The following FER variants were observed in gnomAD, a reference collection of about 807,000 sequenced individuals.
FER encodes the protein tyrosine-protein kinase Fer.
FER carries 63 observed loss-of-function variants against 111.0 expected under a neutral mutation model. The observed-to-expected ratio is 0.57, with a 90% CI of 0.46 to 0.70. FER has a LOEUF of 0.70. Among genes scored for constraint, FER ranks in the 30% least tolerant of loss-of-function variants. FER has a pLI of 0.00. For synonymous variants in FER, 327 were observed against 313.9 expected (o/e 1.04, Z -0.44); for missense variants, 914 against 954.0 (o/e 0.96, Z 0.55).
intron 10 of FER, among the ~76,000 whole-genome samples, chr5:108,915,454 C>T (rs181591568): frequency 2.3e-4 from 35 of 152,248 alleles, no homozygotes; most frequent in African/African-American, 8.4e-4. Flanking sequence ...GACACTCCAT[C>T]TCAAAACAAA....
In FER at chr5:108,827,112, G is replaced by C. The variant is rs557721620; in HGVS notation, c.208-5658G>C. Among the ~76,000 whole-genome samples, 23 of 152,258 alleles carry C rather than the reference G, an allele frequency of 1.5e-4. No individual in the cohort carries two copies. In the South Asian group the frequency reaches 4.6e-3, roughly 30 times the overall value. ...ACAACCATGGACTCCATGGTTATTG[G>C]TCTCTTTGAATTTCGTACTTGTAAA... On this transcript the variant is annotated intron_variant, in intron 3 of 19. Coordinates refer to ENST00000281092, the MANE Select transcript of FER (RefSeq NM_005246.4).
At chr5:109,102,212 AC>A (rs1748316308) in intron 17 of FER, among the ~76,000 whole-genome samples, 1 of 151,994 alleles carries the variant, frequency 6.6e-6, no homozygotes, top group Non-Finnish European at 1.5e-5. Flanking sequence ...TGTTTTTCCC[AC>A]TTTGCTTTTT....
intron 2 of FER, among the ~76,000 whole-genome samples, chr5:108,769,966 G>T (rs1259043926): frequency 2.0e-5 from 3 of 149,700 alleles, no homozygotes; most frequent in African/African-American, 7.4e-5. Context: ...ATTTTTTTTT[G>T]AGACGGAGCT....
rs560751228 is a variant in FER at position 108,883,587 on chromosome 5, A to G, written c.1046+69A>G. On this transcript the variant is annotated intron_variant, in intron 9 of 19. Coordinates refer to ENST00000281092, the MANE Select transcript of FER (RefSeq NM_005246.4). Reference sequence around the variant, plus strand: ...AATTTTACAAAAATATTTTAGTTACATGGCAGTGTGAACCTAACATTTCTA... The same window carrying G: ...AATTTTACAAAAATATTTTAGTTACGTGGCAGTGTGAACCTAACATTTCTA... The G allele has an allele frequency of 1.5e-5, 20 of 1,355,524 alleles. No homozygotes were observed. In the African/African-American group the frequency reaches 1.5e-4, roughly 10 times the overall value. The allele number at this position is 1,355,524 out of a possible 1,614,324, so 84.0% of individuals were successfully genotyped here.
intron 5 of FER, among the ~76,000 whole-genome samples, chr5:108,845,067 T>TATATAC (rs1486282738): frequency 1.5e-4 from 8 of 53,882 alleles, no homozygotes; most frequent in African/African-American, 3.0e-4. Flanking sequence ...TATATATATA[T>TATATAC]ACACACACAC....
At chr5:109,107,905 T>A (rs958326464) in intron 17 of FER, among the ~76,000 whole-genome samples, 1 of 152,174 alleles carries the variant, frequency 6.6e-6, no homozygotes, top group Non-Finnish European at 1.5e-5. Context: ...AATTAATTAG[T>A]CTTTGAGCTC....
intron 10 of FER, among the ~76,000 whole-genome samples, chr5:108,926,809 A>G (rs1221616400): frequency 6.6e-5 from 10 of 152,286 alleles, no homozygotes; most frequent in Non-Finnish European, 1.3e-4. Flanking sequence ...TCTGTGTTTT[A>G]TACAGATGTT....
chr5:108,937,105 A>G (rs1171108258), intron 10 of FER, among the ~76,000 whole-genome samples: 3 of 152,016 alleles, frequency 2.0e-5, no homozygotes, highest in African/African-American at 7.2e-5. Context: ...TTTACTATTT[A>G]AATGATGTCT....
At chr5:108,918,722 C>T (rs1458195391) in intron 10 of FER, among the ~76,000 whole-genome samples, 1 of 151,900 alleles carries the variant, frequency 6.6e-6, no homozygotes, top group African/African-American at 2.4e-5. Flanking sequence ...CTCCTGACCT[C>T]ATGATCCGCC....
chr5:108,898,254 C>T (rs1489159656), intron 10 of FER, among the ~76,000 whole-genome samples: 1 of 152,024 alleles, frequency 6.6e-6, no homozygotes, highest in Non-Finnish European at 1.5e-5. Flanking sequence ...TTTTAAAATA[C>T]AAAATATTGA....
At chr5:108,927,250 CTCTTTTTT>C (rs949031716) in intron 10 of FER, among the ~76,000 whole-genome samples, 3 of 95,374 alleles carry the variant, frequency 3.1e-5, no homozygotes, top group African/African-American at 2.2e-4. Context: ...TGAGAAGTGG[CTCTTTTTT>C]TTTTTTTTTT....
Position 109,100,448 on chromosome 5 carries a change from A to G in FER, c.1977A>G (p.Lys659=), listed in dbSNP as rs1277138153. ...GGAAGAAGGATGAACTAAAACTCAA[A>G]CAGTTAGTGAAATTTTCATTAGACG... is the stretch of plus-strand genomic sequence containing the variant. ...LRRKKDELKL[K]QLVKFSLDAA... The change falls in exon 17 of 20, where the codon AAA becomes AAG. Residue 659 remains lysine, a synonymous_variant. Coordinates refer to ENST00000281092, the MANE Select transcript of FER (RefSeq NM_005246.4). 1.9e-6 allele frequency: 3 copies of G among 1,611,314 alleles called. No homozygotes were observed. The African/African-American group carries it at 4.0e-5, about 22-fold the overall frequency.
rs766769797 is a variant in FER at position 109,187,591 on chromosome 5, A to T, written c.*16A>T. The T allele has an allele frequency of 2.5e-6, 4 of 1,613,864 alleles. No homozygotes were observed. The African/African-American group carries it at 5.3e-5, about 22-fold the overall frequency. The stretch of plus-strand genomic sequence containing the variant: ...ACTCACATAGTGACAGGATGGCGCC[A>T]AACTCAGCCTTCAGGACTCTGTCCT... On this transcript the variant is annotated 3_prime_UTR_variant, in exon 20 of 20. Transcript: ENST00000281092.
At chr5:109,060,626 G>A (rs377068085) in intron 16 of FER, among the ~76,000 whole-genome samples, 4 of 152,106 alleles carry the variant, frequency 2.6e-5, no homozygotes, top group African/African-American at 9.7e-5. Context: ...GGAGGTTGCA[G>A]TGAGCTGAGA....
intron 3 of FER, among the ~76,000 whole-genome samples, chr5:108,799,553 A>G (rs1424125196): frequency 2.0e-5 from 3 of 152,232 alleles, no homozygotes; most frequent in Non-Finnish European, 1.5e-5. Context: ...GATGGCCACA[A>G]AAAATACAGG....
At chr5:108,978,868 T>A (rs1761712285) in intron 13 of FER, among the ~76,000 whole-genome samples, 1 of 152,144 alleles carries the variant, frequency 6.6e-6, no homozygotes, top group African/African-American at 2.4e-5. Context: ...ATTCTAGTAG[T>A]CACCTTCAAG....
rs1020615366 is a variant in FER, at chr5:108,871,999, T to C, written c.804-94T>C. The C allele has an allele frequency of 2.4e-6, 3 of 1,254,970 alleles. No homozygotes were observed. The African/African-American group carries it at 4.7e-5, about 20-fold the overall frequency. 77.7% of individuals were successfully genotyped at this position (1,254,970 alleles called of 1,614,324 possible). The stretch of plus-strand genomic sequence containing the variant: ...TGTGTTTTCTTTGTTAACATAATTT[T>C]GGATAAAAACAAATATTCTGCCTTT... On this transcript the variant is annotated intron_variant, in intron 7 of 19. Transcript: ENST00000281092.
At chr5:108,775,280 G>C (rs1753366771) in intron 2 of FER, among the ~76,000 whole-genome samples, 1 of 151,902 alleles carries the variant, frequency 6.6e-6, no homozygotes, top group African/African-American at 2.4e-5. Context: ...TACCATGAAT[G>C]AATTTTGAAT....
At chr5:108,909,429 T>A (rs1751246327) in intron 10 of FER, among the ~76,000 whole-genome samples, 1 of 152,214 alleles carries the variant, frequency 6.6e-6, no homozygotes, top group Non-Finnish European at 1.5e-5. Context: ...ACAGTGTATC[T>A]AGAGATCTTT....
Sources: allele counts gnomAD v4.1 joint callset (sites outside exome capture counted in the v4.1 genomes callset), GRCh38; gene constraint gnomAD v4.1.1; transcripts MANE v1.5; gene names NCBI Gene and HGNC (gene_info 2026-07-23, HGNC 2026-07-21).